Variants in SEC62 observed in about 807,000 individuals in gnomAD.
SEC62 encodes the protein translocation protein SEC62.
SEC62 carries 10 observed loss-of-function variants against 47.5 expected under a neutral mutation model. The ratio of observed to expected loss-of-function variants is 0.21; its 90% CI spans 0.13 to 0.36. The LOEUF is 0.36. Among genes scored for constraint, SEC62 ranks in the 10% least tolerant of loss-of-function variants. The probability of loss-of-function intolerance (pLI) is 1.00; values close to 1 mark genes in which losing one functional copy is unlikely to be tolerated. For synonymous variants in SEC62, 136 were observed against 150.5 expected, an observed-to-expected ratio of 0.90 and a Z score of 0.71; for missense variants, 327 against 464.1, an observed-to-expected ratio of 0.70 and a Z score of 2.71.
intron 3 of SEC62, chr3:169,978,401 A>G (rs1287775960): frequency 1.3e-5 from 2 of 152,210 alleles, no homozygotes; most frequent in Non-Finnish European, 2.9e-5. Flanking sequence ...GTGGGGAAAA[A>G]ATAAAAAGGT....
At position 169,997,176 on chromosome 3, in the gene SEC62, G is replaced by C; in HGVS notation, c.*4113G>C. ...TGAGTTTCTGAGTAGGTCCCAATGC[G>C]TTTATTTCATTTGTCCAACCTAGCA... On this transcript the variant is annotated 3_prime_UTR_variant, in exon 8 of 8. Coordinates refer to ENST00000337002, the MANE Select transcript of SEC62 (RefSeq NM_003262.4). 1 of 152,300 alleles carries C rather than the reference G, an allele frequency of 6.6e-6. No homozygotes were observed. Among genetic ancestry groups the C allele is most frequent in the East Asian group, 1.9e-4 (1 of 5,178 alleles). 9.4% of individuals were successfully genotyped at this position (152,300 alleles called of 1,614,324 possible).
rs1715420379 is a variant in SEC62 at position 169,997,848 on chromosome 3, ATAAT to A, written c.*4787_*4790del. ...ATTACACTGAAGTGTAAGCTACCAA[ATAAT>A]TTATGATGTGGTAGTTATAGGTGTG... is the stretch of plus-strand genomic sequence containing the variant. On this transcript the variant is annotated 3_prime_UTR_variant, in exon 8 of 8. Coordinates refer to ENST00000337002, the MANE Select transcript of SEC62 (RefSeq NM_003262.4). 1 of 152,232 alleles carries A rather than the reference ATAAT, an allele frequency of 6.6e-6. No individual in the cohort carries two copies. Among genetic ancestry groups the A allele is most frequent in the Non-Finnish European group, 1.5e-5 (1 of 68,048 alleles). The allele number at this position is 152,232 out of a possible 1,614,324, so 9.4% of individuals were successfully genotyped here. A position where few individuals can be genotyped will look rare whatever the true frequency, so the allele number is the denominator to read the frequency against.
intron 1 of SEC62, chr3:169,969,255 AG>A (rs141014021): frequency 2.2e-6 from 1 of 453,232 alleles, no homozygotes; most frequent in East Asian, 7.0e-5. Flanking sequence ...TAAAAAAAAA[AG>A]TAGCTAATTT....
intron 7 of SEC62, among the ~76,000 whole-genome samples, chr3:169,991,516 C>G (rs1325061994): frequency 1.3e-5 from 2 of 151,994 alleles, no homozygotes; most frequent in Admixed American, 1.3e-4. Context: ...AGTTCAAGAC[C>G]AGACTGGGCA....
At chr3:169,982,600 T>C (rs1216993806) in intron 3 of SEC62, 107 bp from the exon 4 acceptor site, 1 of 1,337,634 alleles carries the variant, frequency 7.5e-7, no homozygotes, top group Non-Finnish European at 1.1e-6. Flanking sequence ...TTCTCTTGTG[T>C]TGCTAATTTA....
At chr3:169,984,505 G>A (rs541110995) in intron 5 of SEC62, among the ~76,000 whole-genome samples, 10 of 152,312 alleles carry the variant, frequency 6.6e-5, no homozygotes, top group African/African-American at 1.7e-4. Context: ...ATTGCCAGGC[G>A]TGCCAGGAAG....
At chr3:169,978,990 C>T (rs1484445147) in intron 3 of SEC62, among the ~76,000 whole-genome samples, 2 of 152,196 alleles carry the variant, frequency 1.3e-5, no homozygotes, top group African/African-American at 2.4e-5. Context: ...GCTATTAGAT[C>T]TGTAAGCCCA....
In SEC62 at chr3:169,998,104, C is replaced by T. The variant is rs937322374; in HGVS notation, c.*5041C>T. 5 of 152,164 alleles carry T rather than the reference C, an allele frequency of 3.3e-5. No homozygotes were observed. Among genetic ancestry groups the T allele is most frequent in the African/African-American group, 1.2e-4 (5 of 41,430 alleles). 9.4% of individuals were successfully genotyped at this position (152,164 alleles called of 1,614,324 possible). ...TGAAATTAAAGTTAATTTTTCCCATCCAAGTTCATGTATCTTCTGAATTCT... is the reference window on the plus strand; with the variant it reads ...TGAAATTAAAGTTAATTTTTCCCATTCAAGTTCATGTATCTTCTGAATTCT... On this transcript the variant is annotated 3_prime_UTR_variant, in exon 8 of 8. Transcript: ENST00000337002.
intron 1 of SEC62, among the ~76,000 whole-genome samples, chr3:169,971,282 C>A (rs1034674631): frequency 6.6e-6 from 1 of 151,864 alleles, no homozygotes; most frequent in Non-Finnish European, 1.5e-5. Context: ...AGAAAGTTAC[C>A]TAGGCTGGTC....
chr3:169,969,566 G>A lies in SEC62; in HGVS notation c.36+2708G>A, dbSNP rs78136798. 1.5e-3 allele frequency among the ~76,000 whole-genome samples: 226 copies of A among 152,272 alleles called. 4 individuals carry two copies. In the East Asian group the frequency reaches 0.042, roughly 28 times the overall value. The stretch of plus-strand genomic sequence containing the variant: ...ATGAAAGCAGAGTGGTGATCCTACA[G>A]CTGACTGATCTCACCCAACACCCTC... On this transcript the variant is annotated intron_variant, in intron 1 of 7. Coordinates refer to ENST00000337002, the MANE Select transcript of SEC62 (RefSeq NM_003262.4).
At chr3:169,990,616 C>A (rs1715228540) in intron 7 of SEC62, among the ~76,000 whole-genome samples, 1 of 152,092 alleles carries the variant, frequency 6.6e-6, no homozygotes, top group Non-Finnish European at 1.5e-5. Context: ...ATCTGTCTTA[C>A]AATCCTGTAA....
chr3:169,976,999 G>A lies in SEC62; in HGVS notation c.199G>A (p.Gly67Arg), dbSNP rs1445464288. 5 of 1,611,558 alleles carry A rather than the reference G, an allele frequency of 3.1e-6. No homozygotes were observed. The Admixed American group carries it at 5.0e-5, about 16-fold the overall frequency. The change falls in exon 3 of 8, where the codon GGA becomes AGA. Residue 67 changes from glycine to arginine, a missense_variant. Gly to Arg is a moderately radical substitution (Grantham distance 125, BLOSUM62 -2). Coordinates refer to ENST00000337002, the MANE Select transcript of SEC62 (RefSeq NM_003262.4). ...TTCAAAGTGGGCAAAGGCCAAGAAA[G>A]GAGAGGAAGCTTTATTTACAACCAG... ...LDSKWAKAKK[G>R]EEALFTTRES...
At chr3:169,975,019 G>A (rs1229521226) in intron 1 of SEC62, among the ~76,000 whole-genome samples, 3 of 152,102 alleles carry the variant, frequency 2.0e-5, no homozygotes, top group African/African-American at 4.8e-5. Context: ...GATGGCTCAC[G>A]CCTGTAATCC....
Position 169,984,092 on chromosome 3 carries a change from A to T in SEC62, c.549+839A>T, listed in dbSNP as rs540848973. Reference sequence around the variant, plus strand: ...GCATTGAACTGTTGTGAATTTCAGGATATATCCTTTCCTGTTATACCTATA... The same window carrying T: ...GCATTGAACTGTTGTGAATTTCAGGTTATATCCTTTCCTGTTATACCTATA... On this transcript the variant is annotated intron_variant, in intron 5 of 7. Transcript: ENST00000337002. Among the ~76,000 whole-genome samples, 139 of 152,346 alleles carry T rather than the reference A, an allele frequency of 9.1e-4. 1 individual carries two copies. The highest frequency in any genetic ancestry group is 1.4e-3 in the Non-Finnish European group (96 of 68,040).
chr3:169,975,864 T>C (rs906144958), intron 2 of SEC62, 148 bp downstream of exon 2: 21 of 500,806 alleles, frequency 4.2e-5, no homozygotes, highest in African/African-American at 4.0e-4. Context: ...TTCTTTTCTT[T>C]TATGATTGAA....
At chr3:169,974,649 A>T (rs3772183) in intron 1 of SEC62, among the ~76,000 whole-genome samples, 42,993 of 152,018 alleles carry the variant, frequency 0.28, 7,269 homozygotes, top group African/African-American at 0.47. Flanking sequence ...GATAGTAATA[A>T]CTCTTTTTGC....
At chr3:169,983,315 A>C in intron 5 of SEC62, 62 bp downstream of exon 5, 2 of 1,090,272 alleles carry the variant, frequency 1.8e-6, no homozygotes, top group Non-Finnish European at 2.6e-6. Context: ...AAGATGTTTG[A>C]TGCCTTCACT....
chr3:169,983,334 GA>G, intron 5 of SEC62, 81 bp downstream of exon 5: 1 of 757,056 alleles, frequency 1.3e-6, no homozygotes, highest in Non-Finnish European at 2.1e-6. Context: ...CTAATAAAAG[GA>G]AAAATTTTGA....
At chr3:169,974,625 A>G (rs1714782995) in intron 1 of SEC62, among the ~76,000 whole-genome samples, 1 of 152,204 alleles carries the variant, frequency 6.6e-6, no homozygotes, top group South Asian at 2.1e-4. Context: ...TCCATTAATC[A>G]CCTCTTCAAA....
Sources: gnomAD v4.1 joint callset for allele counts (sites outside exome capture counted in the v4.1 genomes callset) on GRCh38, gnomAD v4.1.1 for gene constraint, MANE v1.5 for transcripts, NCBI Gene and HGNC (gene_info 2026-07-23, HGNC 2026-07-21) for gene names.